Variants in IMMP2L observed in about 807,000 individuals in gnomAD.
IMMP2L encodes mitochondrial inner membrane protease subunit 2.
Under a neutral mutation model 19.3 loss-of-function variants are expected in IMMP2L, and 18 were observed. The ratio of observed to expected loss-of-function variants is 0.93; its 90% CI spans 0.64 to 1.38. The LOEUF (loss-of-function observed/expected upper bound fraction) is 1.38, where lower values mean the gene tolerates loss of function less well. Ranked by LOEUF, IMMP2L falls within the 40% of genes most tolerant of loss-of-function variation. The probability of loss-of-function intolerance (pLI) is 0.00; values close to 1 mark genes in which losing one functional copy is unlikely to be tolerated. For synonymous variants in IMMP2L, 76 were observed against 73.0 expected, an observed-to-expected ratio of 1.04 and a Z score of -0.21; for missense variants, 233 against 218.2, an observed-to-expected ratio of 1.07 and a Z score of -0.43.
chr7:111,446,856 G>A (rs1425083743), intron 3 of IMMP2L, among the ~76,000 whole-genome samples: 1 of 151,272 alleles, frequency 6.6e-6, no homozygotes, highest in Non-Finnish European at 1.5e-5. Flanking sequence ...ACAGAGAAAT[G>A]CTTAAAGGAG....
intron 3 of IMMP2L, among the ~76,000 whole-genome samples, chr7:111,272,232 T>A (rs538488411): frequency 6.6e-6 from 1 of 152,120 alleles, no homozygotes; most frequent in Non-Finnish European, 1.5e-5. Context: ...CACCTAACTA[T>A]GCTGGCCTTC....
chr7:110,824,237 T>C (rs1225909556), intron 5 of IMMP2L, among the ~76,000 whole-genome samples: 1 of 152,018 alleles, frequency 6.6e-6, no homozygotes, highest in African/African-American at 2.4e-5. Flanking sequence ...GATCTGAATG[T>C]CTCCTTTCAC....
chr7:110,921,571 C>T (rs550840357), intron 4 of IMMP2L, among the ~76,000 whole-genome samples: 3 of 152,146 alleles, frequency 2.0e-5, no homozygotes, highest in Non-Finnish European at 4.4e-5. Flanking sequence ...CTGTAAAGTG[C>T]ACATAAGAAT....
chr7:110,715,447 A>G (rs184854527), intron 5 of IMMP2L, among the ~76,000 whole-genome samples: 295 of 152,300 alleles, frequency 1.9e-3, no homozygotes, highest in African/African-American at 6.4e-3. Context: ...GATACATCCC[A>G]GAGATTTTGG....
chr7:111,109,209 A>G (rs1798901719), intron 3 of IMMP2L, among the ~76,000 whole-genome samples: 1 of 152,102 alleles, frequency 6.6e-6, no homozygotes, highest in Non-Finnish European at 1.5e-5. Flanking sequence ...ACAATTTAAC[A>G]TGTTCATTGC....
intron 5 of IMMP2L, among the ~76,000 whole-genome samples, chr7:110,747,657 A>G (rs972363623): frequency 6.6e-6 from 1 of 152,246 alleles, no homozygotes; most frequent in African/African-American, 2.4e-5. Flanking sequence ...CCACATGATT[A>G]TATCAATAGA....
intron 4 of IMMP2L, among the ~76,000 whole-genome samples, chr7:110,937,013 T>C (rs1017334183): frequency 1.3e-5 from 2 of 151,796 alleles, no homozygotes; most frequent in African/African-American, 2.4e-5. Context: ...TGAGAACACA[T>C]GAACAAACGG....
chr7:111,433,066 A>G (rs1389868304), intron 3 of IMMP2L, among the ~76,000 whole-genome samples: 1 of 151,756 alleles, frequency 6.6e-6, no homozygotes, highest in Non-Finnish European at 1.5e-5. Flanking sequence ...GACACTGGGT[A>G]ATTTATAAAG....
Position 111,549,806 on chromosome 7 carries a change from T to C in IMMP2L, c.-3+12045A>G, listed in dbSNP as rs550740534. 2.4e-4 allele frequency among the ~76,000 whole-genome samples: 37 copies of C among 151,996 alleles called. 1 individual carries two copies. The South Asian group carries it at 7.7e-3, about 32-fold the overall frequency. Reference sequence around the variant, plus strand: ...AAATACAAAGATTAGCCAGACATGGTAACACATGCCTGTAATCCCAGCTAC... The same window carrying C: ...AAATACAAAGATTAGCCAGACATGGCAACACATGCCTGTAATCCCAGCTAC... On this transcript the variant is annotated intron_variant, in intron 1 of 5. Coordinates refer to ENST00000405709, the MANE Select transcript of IMMP2L (RefSeq NM_032549.4).
At chr7:110,823,875 T>A (rs1165966683) in intron 5 of IMMP2L, among the ~76,000 whole-genome samples, 2 of 152,032 alleles carry the variant, frequency 1.3e-5, no homozygotes, top group African/African-American at 4.8e-5. Flanking sequence ...AATAACAGTA[T>A]CAAAGAACAT....
At chr7:110,746,472 T>G (rs952122392) in intron 5 of IMMP2L, among the ~76,000 whole-genome samples, 1 of 152,100 alleles carries the variant, frequency 6.6e-6, no homozygotes, top group Non-Finnish European at 1.5e-5. Context: ...AGCACCACAT[T>G]GTACTTATTC....
chr7:111,281,086 AAGAG>A (rs56889793), intron 3 of IMMP2L, among the ~76,000 whole-genome samples: 63,442 of 131,042 alleles, frequency 0.48, 16,745 homozygotes, highest in South Asian at 0.69. Context: ...GAAAGAAGGA[AAGAG>A]AGAGAAAGAG....
chr7:111,067,339 C>T (rs1794597944), intron 3 of IMMP2L, among the ~76,000 whole-genome samples: 1 of 152,260 alleles, frequency 6.6e-6, no homozygotes. Flanking sequence ...CAGTCTCTGA[C>T]CTGGGAAGCT....
At chr7:111,549,687 C>T (rs1397819496) in intron 1 of IMMP2L, among the ~76,000 whole-genome samples, 1 of 152,112 alleles carries the variant, frequency 6.6e-6, no homozygotes, top group African/African-American at 2.4e-5. Flanking sequence ...CACCTGTAAT[C>T]CCAGCACTTT....
chr7:111,085,903 A>C (rs574231851), intron 3 of IMMP2L, among the ~76,000 whole-genome samples: 1 of 152,228 alleles, frequency 6.6e-6, no homozygotes, highest in South Asian at 2.1e-4. Context: ...ACCAAATACC[A>C]CATGTTCTCA....
At chr7:111,193,496 G>A (rs79025571) in intron 3 of IMMP2L, among the ~76,000 whole-genome samples, 1,561 of 152,226 alleles carry the variant, frequency 0.01, 31 homozygotes, top group African/African-American at 0.034. Context: ...GTCAAACATT[G>A]AGCATCCATC....
intron 5 of IMMP2L, among the ~76,000 whole-genome samples, chr7:110,750,531 A>G (rs774105921): frequency 1.3e-5 from 2 of 152,108 alleles, no homozygotes; most frequent in Non-Finnish European, 2.9e-5. Context: ...TTTACTCCTT[A>G]TTTCAAAGCA....
At chr7:110,963,155 AT>A (rs1240155692) in intron 4 of IMMP2L, 2 of 1,299,286 alleles carry the variant, frequency 1.5e-6, no homozygotes, top group East Asian at 2.6e-5. Flanking sequence ...ATGTTCTTGA[AT>A]TTTTTTAAAT....
At chr7:111,363,645 C>A (rs116122448) in intron 3 of IMMP2L, among the ~76,000 whole-genome samples, 2 of 152,022 alleles carry the variant, frequency 1.3e-5, no homozygotes, top group African/African-American at 4.8e-5. Flanking sequence ...GTCTTTCCCC[C>A]CTTCAATCCA....
Sources: allele counts gnomAD v4.1 joint callset (sites outside exome capture counted in the v4.1 genomes callset), GRCh38; gene constraint gnomAD v4.1.1; transcripts MANE v1.5; gene names NCBI Gene and HGNC (gene_info 2026-07-23, HGNC 2026-07-21).